The following FABP2 variants were observed in gnomAD, a reference collection of about 807,000 sequenced individuals.
FABP2 encodes fatty acid-binding protein, intestinal.
A neutral mutation model predicts 16.1 loss-of-function variants in FABP2; 11 were observed. That is an observed-to-expected ratio of 0.68 (90% CI 0.43 to 1.13). FABP2 has a LOEUF of 1.13. Ranked by LOEUF, FABP2 falls within the 50% of genes most tolerant of loss-of-function variation. FABP2 has a pLI of 0.00. For missense variants in FABP2, 146 were observed against 155.1 expected, an observed-to-expected ratio of 0.94 and a Z score of 0.31; for synonymous variants, 45 against 50.9, an observed-to-expected ratio of 0.88 and a Z score of 0.49.
intron 2 of FABP2, among the ~76,000 whole-genome samples, chr4:119,319,974 C>T (rs562036634): frequency 1.3e-5 from 2 of 151,964 alleles, no homozygotes; most frequent in South Asian, 2.1e-4. Context: ...TTTCATGTTA[C>T]GTGTCCAGAA....
chr4:119,321,226 AT>A (rs1258841006), intron 1 of FABP2, among the ~76,000 whole-genome samples: 2 of 152,202 alleles, frequency 1.3e-5, no homozygotes, highest in Admixed American at 1.3e-4. Context: ...CATATACAGT[AT>A]TCTTTTTTCT....
chr4:119,320,966 A>C, intron 1 of FABP2, 124 bp from the exon 2 acceptor site: 1 of 700,396 alleles, frequency 1.4e-6, no homozygotes, highest in South Asian at 2.3e-5. Flanking sequence ...TTGCCTTTGC[A>C]CAAGAACATT....
chr4:119,318,132 A>G lies in FABP2; in HGVS notation c.*909T>C, dbSNP rs1722065027. 1.3e-5 allele frequency: 2 copies of G among 152,134 alleles called. No individual in the cohort carries two copies. Among genetic ancestry groups the G allele is most frequent in the African/African-American group, 2.4e-5 (1 of 41,436 alleles). 9.4% of individuals were successfully genotyped at this position (152,134 alleles called of 1,614,324 possible). ...TACAAAAATGTAATACAATAATTTA[A>G]TTTAATGTAGTACATCATTTATTTC... is the stretch of plus-strand genomic sequence containing the variant. On this transcript the variant is annotated 3_prime_UTR_variant, in exon 4 of 4. Coordinates refer to ENST00000274024, the MANE Select transcript of FABP2 (RefSeq NM_000134.4).
Position 119,320,748 on chromosome 4 carries a change from G to T in FABP2, c.162C>A (p.Ser54Arg). 9 of 1,605,682 alleles carry T rather than the reference G, an allele frequency of 5.6e-6. No homozygotes were observed. The highest frequency in any genetic ancestry group is 1.1e-5 in the South Asian group (1 of 89,436). Residue 54 changes from serine to arginine, a missense_variant, in exon 2 of 4, where the codon AGC (serine) becomes AGA (arginine). Physicochemically the swap from Ser to Arg is moderately radical, Grantham distance 110 (BLOSUM62 -1). Transcript: ENST00000274024. ...AAACAACTTCAATGTTTCGAAAAGT[G>T]CTTGATTCTTTGACTGTGAATTTAT... Reference protein sequence around the residue: ...EGNKFTVKESSTFRNIEVVFE... With the variant: ...EGNKFTVKESRTFRNIEVVFE...
In FABP2 at chr4:119,320,435, T is replaced by G. The variant is rs1755647178; in HGVS notation, c.240+235A>C. ...CTATATTCAGTCATTCAAAAGATAG[T>G]TTTCTAATTCTTACTGTTCAATTCA... On this transcript the variant is annotated intron_variant, in intron 2 of 3. Coordinates refer to ENST00000274024, the MANE Select transcript of FABP2 (RefSeq NM_000134.4). Among the ~76,000 whole-genome samples, 3 of 152,082 alleles carry G rather than the reference T, an allele frequency of 2.0e-5. No homozygotes were observed. In the South Asian group the frequency reaches 6.2e-4, roughly 31 times the overall value.
chr4:119,320,407 G>A (rs998659241), intron 2 of FABP2, among the ~76,000 whole-genome samples: 2 of 151,938 alleles, frequency 1.3e-5, no homozygotes, highest in African/African-American at 4.8e-5. Flanking sequence ...TTTATGAATA[G>A]GTCTATATTC....
intron 1 of FABP2, among the ~76,000 whole-genome samples, chr4:119,321,828 A>G (rs1012771169): frequency 1.3e-5 from 2 of 152,140 alleles, no homozygotes; most frequent in African/African-American, 4.8e-5. Flanking sequence ...GCACTCAAAG[A>G]ATCTTTTCTT....
intron 2 of FABP2, 133 bp downstream of exon 2, chr4:119,320,537 A>G (rs1353398383): frequency 4.4e-6 from 3 of 678,380 alleles, no homozygotes; most frequent in African/African-American, 1.9e-5. Flanking sequence ...AATGTAGACA[A>G]ACTTCATTGG....
rs1176476971 is a variant in FABP2, at chr4:119,317,576, T to G, written c.*1465A>C. ...CTCAAACATTTTTCTTCCTACATTT[T>G]AATATATATGTCATATGTATATACC... On this transcript the variant is annotated 3_prime_UTR_variant, in exon 4 of 4. Coordinates refer to ENST00000274024, the MANE Select transcript of FABP2 (RefSeq NM_000134.4). 1 of 152,082 alleles carries G rather than the reference T, an allele frequency of 6.6e-6. No homozygotes were observed. Among genetic ancestry groups the G allele is most frequent in the Non-Finnish European group, 1.5e-5 (1 of 67,970 alleles). 9.4% of individuals were successfully genotyped at this position (152,082 alleles called of 1,614,324 possible).
Position 119,319,656 on chromosome 4 carries a change from A to C in FABP2, c.241-13T>G, listed in dbSNP as rs1561398613. 13 of 992,296 alleles carry C rather than the reference A, an allele frequency of 1.3e-5. No individual in the cohort carries two copies. The highest frequency in any genetic ancestry group is 1.4e-5 in the Non-Finnish European group (10 of 738,768). 61.5% of individuals were successfully genotyped at this position (992,296 alleles called of 1,614,324 possible). A position where few individuals can be genotyped will look rare whatever the true frequency, so the allele number is the denominator to read the frequency against. ...GGCTCCAGGTCCCCTACATAATAAT[A>C]ATAATAATAATAATAATAATAATGG... On this transcript the variant is annotated splice_polypyrimidine_tract_variant and intron_variant, in intron 2 of 3. Transcript: ENST00000274024.
chr4:119,322,080 T>C lies in FABP2; in HGVS notation c.23A>G (p.Lys8Arg). 5.0e-6 allele frequency: 8 copies of C among 1,613,420 alleles called. No homozygotes were observed. The highest frequency in any genetic ancestry group is 6.8e-6 in the Non-Finnish European group (8 of 1,179,656). The change falls in exon 1 of 4, where the codon AAG becomes AGG. Residue 8 changes from lysine to arginine, a missense_variant. Coordinates refer to ENST00000274024, the MANE Select transcript of FABP2 (RefSeq NM_000134.4). Reference sequence around the variant, plus strand: ...GTCATAGTTTTCACTCCGGTCTACCTTCCAAGTGCTGTCAAACGCCATGAT... The same window carrying C: ...GTCATAGTTTTCACTCCGGTCTACCCTCCAAGTGCTGTCAAACGCCATGAT... MAFDSTW[K>R]VDRSENYDKF...
chr4:119,317,268 A>G lies in FABP2; in HGVS notation c.*1773T>C, dbSNP rs972820840. On this transcript the variant is annotated 3_prime_UTR_variant, in exon 4 of 4. Transcript: ENST00000274024. ...ATGAACATAGATTTAAGGTATTTTTATATAAATTTAAGGAGTACAAGTATA... is the reference window on the plus strand; with the variant it reads ...ATGAACATAGATTTAAGGTATTTTTGTATAAATTTAAGGAGTACAAGTATA... 3 of 152,146 alleles carry G rather than the reference A, an allele frequency of 2.0e-5. No homozygotes were observed. Among genetic ancestry groups the G allele is most frequent in the East Asian group, 1.9e-4 (1 of 5,202 alleles). 9.4% of individuals were successfully genotyped at this position (152,146 alleles called of 1,614,324 possible).
At chr4:119,321,027 A>C (rs546930266) in intron 1 of FABP2, among the ~76,000 whole-genome samples, 185 bp from the exon 2 acceptor site, 1 of 152,272 alleles carries the variant, frequency 6.6e-6, no homozygotes, top group East Asian at 1.9e-4. Flanking sequence ...AGAACTGATT[A>C]AAGTTGTTTT....
At chr4:119,320,912 G>A (rs1755658410) in intron 1 of FABP2, 70 bp from the exon 2 acceptor site, 1 of 1,309,772 alleles carries the variant, frequency 7.6e-7, no homozygotes, top group East Asian at 2.7e-5. Flanking sequence ...TCCAAGTTAT[G>A]TTTTGTTTGT....
In FABP2 at chr4:119,322,076, TA is replaced by T. The variant is rs1755678823; in HGVS notation, c.26del (p.Val9GlufsTer18). The part of the protein sequence containing the change: MAFDSTWK[V>X]DRSENYDKFM... ...ACTTGTCATAGTTTTCACTCCGGTC[TA>T]CCTTCCAAGTGCTGTCAAACGCCAT... On this transcript the variant is annotated frameshift_variant, in exon 1 of 4. Coordinates refer to ENST00000274024, the MANE Select transcript of FABP2 (RefSeq NM_000134.4). LOFTEE classifies it high-confidence loss of function. 6.2e-7 allele frequency: 1 copy of T among 1,613,582 alleles called. No individual in the cohort carries two copies. The highest frequency in any genetic ancestry group is 2.2e-5 in the East Asian group (1 of 44,824).
At position 119,318,380 on chromosome 4, in the gene FABP2, C is replaced by T. The variant is rs1025087966; in HGVS notation, c.*661G>A. On this transcript the variant is annotated 3_prime_UTR_variant, in exon 4 of 4. Coordinates refer to ENST00000274024, the MANE Select transcript of FABP2 (RefSeq NM_000134.4). ...ACAACCAGTGCCAGAAAATTATTCA[C>T]AACCAGTTCAAGATGTTAAAGACTC... 5.9e-5 allele frequency: 9 copies of T among 151,838 alleles called. No homozygotes were observed. Among genetic ancestry groups the T allele is most frequent in the Admixed American group, 2.0e-4 (3 of 15,210 alleles). The allele number at this position is 151,838 out of a possible 1,614,324, so 9.4% of individuals were successfully genotyped here. A position where few individuals can be genotyped will look rare whatever the true frequency, so the allele number is the denominator to read the frequency against.
At chr4:119,319,678 A>ATAATAATAC in intron 2 of FABP2, 35 bp from the exon 3 acceptor site, 4 of 981,772 alleles carry the variant, frequency 4.1e-6, no homozygotes, top group East Asian at 3.6e-5. Context: ...AATAATAATA[A>ATAATAATAC]TGGCATTTAT....
intron 3 of FABP2, 128 bp downstream of exon 3, chr4:119,319,408 T>C (rs1017461217): frequency 8.9e-5 from 48 of 539,610 alleles, no homozygotes; most frequent in Non-Finnish European, 1.4e-4. Flanking sequence ...TACAATATTT[T>C]TAAAATCAGT....
Position 119,322,112 on chromosome 4 carries a change from T to A in FABP2, c.-10A>T. On this transcript the variant is annotated 5_prime_UTR_variant, in exon 1 of 4. Transcript: ENST00000274024. ...TGCTGTCAAACGCCATGATTTCAGT[T>A]GAGTCAGCCTCTAGGCAGCTAGAGA... is the stretch of plus-strand genomic sequence containing the variant. 1 of 1,611,478 alleles carries A rather than the reference T, an allele frequency of 6.2e-7. No individual in the cohort carries two copies. The highest frequency in any genetic ancestry group is 8.5e-7 in the Non-Finnish European group (1 of 1,178,358).
Sources: gnomAD v4.1 joint callset for allele counts (sites outside exome capture counted in the v4.1 genomes callset) on GRCh38, gnomAD v4.1.1 for gene constraint, MANE v1.5 for transcripts, NCBI Gene and HGNC (gene_info 2026-07-23, HGNC 2026-07-21) for gene names.